EMID1: variants seen among roughly 807,000 people sequenced by gnomAD.
EMID1 encodes EMI domain-containing protein 1.
Under a neutral mutation model 60.6 loss-of-function variants are expected in EMID1, and 40 were observed. The ratio of observed to expected loss-of-function variants is 0.66; its 90% confidence interval spans 0.51 to 0.86. The LOEUF (loss-of-function observed/expected upper bound fraction) is 0.86. Among genes scored for constraint, EMID1 ranks in the 40% least tolerant of loss-of-function variants. The pLI, the probability that EMID1 is intolerant of heterozygous loss-of-function variation, is 0.00. For missense variants in EMID1, 585 were observed against 597.1 expected, an observed-to-expected ratio of 0.98 and a Z score of 0.21; for synonymous variants, 242 against 231.0, an observed-to-expected ratio of 1.05 and a Z score of -0.43.
chr22:29,229,907 T>A (rs1032725415), intron 5 of EMID1, among the ~76,000 whole-genome samples: 5 of 152,198 alleles, frequency 3.3e-5, no homozygotes, highest in Admixed American at 2.6e-4. Context: ...TCATCTGGCC[T>A]TTCGTTGGTC....
At chr22:29,225,309 A>C (rs2040463309) in intron 4 of EMID1, 93 bp downstream of exon 4, 5 of 1,303,312 alleles carry the variant, frequency 3.8e-6, no homozygotes, top group Non-Finnish European at 5.4e-6. Context: ...AAAAGCCAGT[A>C]GGTCTGGCAG....
rs953645873 is a variant in EMID1 at position 29,215,511 on chromosome 22, C to T, written c.216-16C>T. 6.2e-7 allele frequency: 1 copy of T among 1,611,910 alleles called. No individual in the cohort carries two copies. The highest frequency in any genetic ancestry group is 1.3e-5 in the African/African-American group (1 of 74,890). ...GAGGACCCTGTCTCAGCTGGGCCAC[C>T]TGGGGACTCTTTCAGCTACAGAACT... On this transcript the variant is annotated splice_polypyrimidine_tract_variant and intron_variant, in intron 2 of 14. Transcript: ENST00000334018.
intron 11 of EMID1, 39 bp downstream of exon 11, chr22:29,234,238 GA>G (rs2040861187): frequency 6.2e-7 from 1 of 1,609,866 alleles, no homozygotes; most frequent in Admixed American, 1.7e-5. Context: ...GAATTCTGGG[GA>G]GTCCTGAGGG....
At chr22:29,225,273 G>T (rs990143440) in intron 4 of EMID1, 57 bp downstream of exon 4, 2 of 1,579,146 alleles carry the variant, frequency 1.3e-6, no homozygotes, top group Admixed American at 3.4e-5. Context: ...CCTGGAGGGG[G>T]CTCAGGGCAG....
At chr22:29,237,545 TCCCAGCACTTTGG>T (rs2040999490) in intron 12 of EMID1, among the ~76,000 whole-genome samples, 1 of 143,286 alleles carries the variant, frequency 7.0e-6, no homozygotes, top group Non-Finnish European at 1.5e-5. Context: ...ACGCCTATAA[TCCCAGCACTTTGG>T]GAGGCCGAGG....
chr22:29,206,250 T>C, intron 1 of EMID1, 111 bp downstream of exon 1: 1 of 857,960 alleles, frequency 1.2e-6, no homozygotes, highest in Non-Finnish European at 1.5e-6. Flanking sequence ...CCAGCCCGGG[T>C]GAGGGCAGGG....
At chr22:29,255,370 A>AGGGC (rs1275656667) in intron 14 of EMID1, 14 of 1,459,438 alleles carry the variant, frequency 9.6e-6, no homozygotes, top group Non-Finnish European at 1.3e-5. Context: ...AGGTAATGGC[A>AGGGC]GGGCGGGCAG....
At chr22:29,234,085 G>A in intron 10 of EMID1, 52 bp from the exon 11 acceptor site, 1 of 1,550,140 alleles carries the variant, frequency 6.5e-7, no homozygotes, top group Non-Finnish European at 8.7e-7. Flanking sequence ...CCAAGCCCCT[G>A]CCCACTCCAT....
At chr22:29,243,320 A>G (rs1447849447) in intron 12 of EMID1, 125 bp from the exon 13 acceptor site, 7 of 956,536 alleles carry the variant, frequency 7.3e-6, no homozygotes, top group Non-Finnish European at 1.1e-5. Flanking sequence ...TGTATCCAAT[A>G]CAAGCTACTT....
intron 3 of EMID1, among the ~76,000 whole-genome samples, chr22:29,223,334 G>C (rs901068565): frequency 2.0e-5 from 3 of 152,226 alleles, no homozygotes; most frequent in Non-Finnish European, 2.9e-5. Flanking sequence ...GAAGCAGGTG[G>C]GGGGAGCAGC....
At chr22:29,233,583 C>A (rs965122016) in intron 9 of EMID1, 31 bp from the exon 10 acceptor site, 2 of 1,611,848 alleles carry the variant, frequency 1.2e-6, no homozygotes, top group South Asian at 1.1e-5. Context: ...GTACTTTGTT[C>A]CGGCCCTTAG....
In EMID1 at chr22:29,251,787, C is replaced by T. The variant is rs372149370; in HGVS notation, c.1120-2416C>T. On this transcript the variant is annotated intron_variant, in intron 13 of 14. Coordinates refer to ENST00000334018, the MANE Select transcript of EMID1 (RefSeq NM_133455.4). ...TCAAGTGATTATCCTGCCTCAGCCT[C>T]CCAAGTAACTAGGACTATAGGTGCA... Among the ~76,000 whole-genome samples, 331 of 152,224 alleles carry T rather than the reference C, an allele frequency of 2.2e-3. 2 individuals carry two copies. The highest frequency in any genetic ancestry group is 0.014 in the Middle Eastern group (4 of 294).
In EMID1 at chr22:29,205,960, G is replaced by A. The variant is rs1174469145; in HGVS notation, c.-79G>A. On this transcript the variant is annotated 5_prime_UTR_variant, in exon 1 of 15. Transcript: ENST00000334018. ...GCTCCGCGCGTCCGGGGCGGCTGGC[G>A]GCGCGGGCAGGCAGGCGGGGAGGAC... 5.6e-6 allele frequency: 5 copies of A among 891,934 alleles called. No individual in the cohort carries two copies. The highest frequency in any genetic ancestry group is 6.9e-6 in the Non-Finnish European group (5 of 721,310). 55.3% of individuals were successfully genotyped at this position (891,934 alleles called of 1,614,324 possible).
At chr22:29,225,761 G>T (rs369298706) in intron 4 of EMID1, among the ~76,000 whole-genome samples, 6 of 152,352 alleles carry the variant, frequency 3.9e-5, no homozygotes, top group African/African-American at 1.4e-4. Context: ...GTCCTCAGGT[G>T]TGAACAGGGG....
chr22:29,238,719 ATTTT>A (rs71196644), intron 12 of EMID1, among the ~76,000 whole-genome samples: 9 of 117,552 alleles, frequency 7.7e-5, no homozygotes, highest in East Asian at 2.4e-4. Flanking sequence ...GTGCCCGGCC[ATTTT>A]TTTTTTTTTT....
intron 2 of EMID1, 149 bp downstream of exon 2, chr22:29,215,188 A>G: frequency 2.8e-6 from 4 of 1,420,140 alleles, no homozygotes; most frequent in South Asian, 1.6e-5. Flanking sequence ...CACCATTCTC[A>G]GCCTATCCCC....
chr22:29,241,843 T>A (rs576364028), intron 12 of EMID1, among the ~76,000 whole-genome samples: 1 of 152,322 alleles, frequency 6.6e-6, no homozygotes, highest in East Asian at 1.9e-4. Context: ...CTCCATTGAT[T>A]TTCTCCCATG....
intron 13 of EMID1, among the ~76,000 whole-genome samples, chr22:29,247,820 G>T (rs962731868): frequency 5.3e-5 from 8 of 151,828 alleles, no homozygotes; most frequent in African/African-American, 1.7e-4. Flanking sequence ...TAGTAGAGAC[G>T]GGGTTTCACC....
At chr22:29,211,558 C>T (rs2039883853) in intron 1 of EMID1, among the ~76,000 whole-genome samples, 1 of 151,518 alleles carries the variant, frequency 6.6e-6, no homozygotes, top group Non-Finnish European at 1.5e-5. Context: ...CATGTGTGTC[C>T]ATGCATTGTG....
Sources: gnomAD v4.1 joint callset for allele counts (sites outside exome capture counted in the v4.1 genomes callset) on GRCh38, gnomAD v4.1.1 for gene constraint, MANE v1.5 for transcripts, NCBI Gene and HGNC (gene_info 2026-07-23, HGNC 2026-07-21) for gene names.